The following SNX29 variants were observed in gnomAD, a reference collection of about 807,000 sequenced individuals.
The protein encoded by SNX29 is sorting nexin-29.
Under a neutral mutation model 102.1 loss-of-function variants are expected in SNX29, and 78 were observed. That is an observed-to-expected ratio of 0.76 (90% CI 0.64 to 0.92). The LOEUF (loss-of-function observed/expected upper bound fraction) is 0.92. Among genes scored for constraint, SNX29 ranks in the 40% least tolerant of loss-of-function variants. The probability of loss-of-function intolerance (pLI) is 0.00; values close to 1 mark genes in which losing one functional copy is unlikely to be tolerated. For synonymous variants in SNX29, 580 were observed against 414.5 expected (o/e 1.40, Z -4.85); for missense variants, 1,280 against 1,061.7 (o/e 1.21, Z -2.86).
At chr16:12,551,897 T>C (rs1032338213) in intron 20 of SNX29, among the ~76,000 whole-genome samples, 3 of 152,136 alleles carry the variant, frequency 2.0e-5, no homozygotes, top group Admixed American at 6.5e-5. Flanking sequence ...ATCTGTAAGG[T>C]AGGGATCTCT....
intron 11 of SNX29, among the ~76,000 whole-genome samples, chr16:12,126,323 A>C (rs929595953): frequency 6.6e-6 from 1 of 152,222 alleles, no homozygotes; most frequent in African/African-American, 2.4e-5. Context: ...TTCTTACAAC[A>C]CTTCTAGGAG....
intron 16 of SNX29, among the ~76,000 whole-genome samples, chr16:12,384,148 T>C (rs1455902273): frequency 6.6e-6 from 1 of 152,246 alleles, no homozygotes; most frequent in African/African-American, 2.4e-5. Flanking sequence ...TGCTTCCAAA[T>C]CTTGGTTGTT....
intron 18 of SNX29, among the ~76,000 whole-genome samples, chr16:12,444,466 G>A (rs1314558275): frequency 6.6e-6 from 1 of 152,216 alleles, no homozygotes; most frequent in African/African-American, 2.4e-5. Flanking sequence ...TGCAGCATAG[G>A]AATAGACACA....
intron 7 of SNX29, among the ~76,000 whole-genome samples, chr16:12,049,797 T>C (rs987384707): frequency 6.6e-6 from 1 of 151,090 alleles, no homozygotes; most frequent in African/African-American, 2.4e-5. Context: ...TGTGTATATA[T>C]GTAGAGACAG....
intron 19 of SNX29, among the ~76,000 whole-genome samples, chr16:12,479,610 A>G (rs1031980965): frequency 1.2e-4 from 18 of 152,368 alleles, no homozygotes; most frequent in Middle Eastern, 6.8e-3. Flanking sequence ...AGCAAAGAGT[A>G]CAAGAATTCT....
intron 15 of SNX29, among the ~76,000 whole-genome samples, chr16:12,322,849 AGGG>A (rs2080986582): frequency 1.4e-5 from 2 of 145,130 alleles, no homozygotes; most frequent in African/African-American, 5.1e-5. Flanking sequence ...TGCGGTCACT[AGGG>A]GACCACTGTC....
intron 20 of SNX29, among the ~76,000 whole-genome samples, chr16:12,552,603 G>A (rs1350802368): frequency 6.6e-6 from 1 of 152,170 alleles, no homozygotes; most frequent in African/African-American, 2.4e-5. Context: ...TTCTCATGGG[G>A]ATGACTAAAA....
intron 18 of SNX29, among the ~76,000 whole-genome samples, chr16:12,407,465 G>A (rs1364600037): frequency 6.6e-6 from 1 of 152,046 alleles, no homozygotes; most frequent in Non-Finnish European, 1.5e-5. Flanking sequence ...TCAGCTTAAA[G>A]AAAGCTACTA....
At position 12,394,037 on chromosome 16, in the gene SNX29, G is replaced by A. The variant is rs183658367; in HGVS notation, c.1900-4409G>A. Reference sequence around the variant, plus strand: ...TGGCTCAGAGTCTGGAGGCTGACCTGTGTTCCCAGAGATGGAAAAGGACCT... The same window carrying A: ...TGGCTCAGAGTCTGGAGGCTGACCTATGTTCCCAGAGATGGAAAAGGACCT... On this transcript the variant is annotated intron_variant, in intron 16 of 20. Transcript: ENST00000566228. Among the ~76,000 whole-genome samples the A allele has an allele frequency of 2.2e-4, 33 of 152,348 alleles. 2 individuals are homozygous for A. In the East Asian group the frequency reaches 6.0e-3, roughly 28 times the overall value.
intron 11 of SNX29, among the ~76,000 whole-genome samples, chr16:12,101,235 C>T (rs1174901485): frequency 2.0e-5 from 3 of 151,236 alleles, no homozygotes; most frequent in Non-Finnish European, 4.4e-5. Flanking sequence ...TCTCTCCTTT[C>T]TCAGGGCTCT....
In SNX29 at chr16:12,203,155, G is replaced by A. The variant is rs1453963362; in HGVS notation, c.1678+3472G>A. Among the ~76,000 whole-genome samples, 7 of 149,696 alleles carry A rather than the reference G, an allele frequency of 4.7e-5. No individual in the cohort carries two copies. In the South Asian group the frequency reaches 6.4e-4, roughly 14 times the overall value. On this transcript the variant is annotated intron_variant, in intron 14 of 20. Coordinates refer to ENST00000566228, the MANE Select transcript of SNX29 (RefSeq NM_032167.5). ...GGTGACAGCTCTGAAGTTGTATATC[G>A]TGGCCCCACTCTCAGGTGGACTGGT...
intron 19 of SNX29, 111 bp from the exon 20 acceptor site, chr16:12,524,587 CTCAA>C (rs1349978865): frequency 8.2e-7 from 1 of 1,220,834 alleles, no homozygotes; most frequent in African/African-American, 1.6e-5. Flanking sequence ...GAGATAGTTG[CTCAA>C]TCAGTGTTGG....
At chr16:12,507,784 C>G (rs1040456987) in intron 19 of SNX29, among the ~76,000 whole-genome samples, 3 of 152,184 alleles carry the variant, frequency 2.0e-5, no homozygotes, top group Admixed American at 2.0e-4. Flanking sequence ...CCTTCCCTCC[C>G]TCCCCTTATC....
At chr16:12,469,799 T>C (rs1441236691) in intron 18 of SNX29, among the ~76,000 whole-genome samples, 1 of 152,146 alleles carries the variant, frequency 6.6e-6, no homozygotes, top group Non-Finnish European at 1.5e-5. Flanking sequence ...TCACCTGAGG[T>C]CAGGAGTTCA....
intron 15 of SNX29, among the ~76,000 whole-genome samples, chr16:12,295,244 G>T (rs1280673400): frequency 2.0e-5 from 3 of 152,156 alleles, no homozygotes; most frequent in Non-Finnish European, 4.4e-5. Context: ...TCCCAGGGTT[G>T]ACTTTCCTAG....
intron 16 of SNX29, among the ~76,000 whole-genome samples, chr16:12,376,946 ACT>A (rs2082897609): frequency 6.6e-6 from 1 of 151,602 alleles, no homozygotes; most frequent in Admixed American, 6.6e-5. Context: ...TGTGAATTTT[ACT>A]CTGTCTTGGC....
intron 18 of SNX29, among the ~76,000 whole-genome samples, chr16:12,457,883 G>A (rs1318145345): frequency 6.6e-6 from 1 of 152,218 alleles, no homozygotes; most frequent in Admixed American, 6.5e-5. Flanking sequence ...TTGATTGCGT[G>A]GGGAGACAAA....
chr16:12,444,260 A>G (rs58499527), intron 18 of SNX29, among the ~76,000 whole-genome samples: 65 of 20,900 alleles, frequency 3.1e-3, no homozygotes, highest in African/African-American at 0.017. Flanking sequence ...CCGAGCACGT[A>G]GTAAGCACTC....
At chr16:12,534,808 C>T (rs954714882) in intron 20 of SNX29, among the ~76,000 whole-genome samples, 2 of 152,182 alleles carry the variant, frequency 1.3e-5, no homozygotes, top group Non-Finnish European at 2.9e-5. Flanking sequence ...TTGCCTTACT[C>T]CCCAGTTCCA....
Sources: allele counts gnomAD v4.1 joint callset (sites outside exome capture counted in the v4.1 genomes callset), GRCh38; gene constraint gnomAD v4.1.1; transcripts MANE v1.5; gene names NCBI Gene and HGNC (gene_info 2026-07-23, HGNC 2026-07-21).